PREPL: variants seen among roughly 807,000 people sequenced by gnomAD.
PREPL encodes the protein prolyl endopeptidase-like.
PREPL carries 77 observed loss-of-function variants against 70.6 expected under a neutral mutation model. The observed-to-expected ratio is 1.09, with a 90% CI of 0.91 to 1.32. PREPL has a LOEUF of 1.32. Among genes scored for constraint, PREPL ranks in the 40% most tolerant of loss-of-function variants. The probability of loss-of-function intolerance (pLI) is 0.00; values close to 1 mark genes in which losing one functional copy is unlikely to be tolerated. For missense variants in PREPL, 1,002 were observed against 778.2 expected, an observed-to-expected ratio of 1.29 and a Z score of -3.42; for synonymous variants, 315 against 264.8, an observed-to-expected ratio of 1.19 and a Z score of -1.84.
At position 44,342,514 on chromosome 2, in the gene PREPL, A is replaced by G; in HGVS notation, c.388T>C (p.Tyr130His). ...KDEEDEDVLFYTFQRNLRCHD... is the reference protein window; with the variant it reads ...KDEEDEDVLFHTFQRNLRCHD... ...CAGCGAAGGTTCCTCTGGAAGGTGT[A>G]GAATAAAACATCTTCATCTTCCTCG... Residue 130 changes from tyrosine to histidine, a missense_variant, in exon 5 of 14, where the codon TAC (tyrosine) becomes CAC (histidine). Tyr to His is a moderately conservative substitution (Grantham distance 83). Coordinates refer to ENST00000409411, the MANE Select transcript of PREPL (RefSeq NM_001171613.2). 6.2e-7 allele frequency: 1 copy of G among 1,611,638 alleles called. No individual in the cohort carries two copies. The highest frequency in any genetic ancestry group is 8.5e-7 in the Non-Finnish European group (1 of 1,178,270).
At chr2:44,352,011 A>G (rs1244650890) in intron 1 of PREPL, among the ~76,000 whole-genome samples, 2 of 152,184 alleles carry the variant, frequency 1.3e-5, no homozygotes, top group African/African-American at 4.8e-5. Context: ...GTTAATCCAT[A>G]CTTGATGTTT....
chr2:44,330,400 G>A (rs376281411), intron 8 of PREPL, among the ~76,000 whole-genome samples: 3 of 152,022 alleles, frequency 2.0e-5, no homozygotes, highest in Non-Finnish European at 4.4e-5. Flanking sequence ...TTTCCATCTC[G>A]GGTCCAATAA....
chr2:44,360,956 C>CT (rs1677693662), intron 1 of PREPL, among the ~76,000 whole-genome samples: 1 of 152,198 alleles, frequency 6.6e-6, no homozygotes, highest in Admixed American at 6.5e-5. Context: ...CCCTTAATCC[C>CT]TTTCCATGTC....
In PREPL at chr2:44,319,065, G is replaced by C. The variant is rs2103623436; in HGVS notation, c.*2291C>G. 1 of 152,514 alleles carries C rather than the reference G, an allele frequency of 6.6e-6. No homozygotes were observed. Among genetic ancestry groups the C allele is most frequent in the Non-Finnish European group, 1.5e-5 (1 of 68,032 alleles). 9.4% of individuals were successfully genotyped at this position (152,514 alleles called of 1,614,324 possible). Reference sequence around the variant, plus strand: ...TGCTTTCATGCATTACCTAAGGCTAGAGAAAATGTTAATAACTTAGACAAG... The same window carrying C: ...TGCTTTCATGCATTACCTAAGGCTACAGAAAATGTTAATAACTTAGACAAG... On this transcript the variant is annotated 3_prime_UTR_variant, in exon 14 of 14. Transcript: ENST00000409411.
rs779172728 is a variant in PREPL at position 44,320,253 on chromosome 2, C to T, written c.*1103G>A. 6.2e-7 allele frequency: 1 copy of T among 1,614,096 alleles called. No individual in the cohort carries two copies. Among genetic ancestry groups the T allele is most frequent in the East Asian group, 2.2e-5 (1 of 44,882 alleles). On this transcript the variant is annotated 3_prime_UTR_variant, in exon 14 of 14. Transcript: ENST00000409411. ...GAAGTTATATCAAGATTTAAGTCTA[C>T]TTCATGCCAATGAGCTACTCCTCAA...
intron 1 of PREPL, among the ~76,000 whole-genome samples, chr2:44,349,746 C>T (rs191977246): frequency 3.3e-5 from 5 of 151,670 alleles, no homozygotes; most frequent in Admixed American, 2.0e-4. Flanking sequence ...GGGTGGATCA[C>T]GAGGTCAAGA....
rs779104116 is a variant in PREPL at position 44,320,625 on chromosome 2, T to C, written c.*731A>G. ...CTATTCCAGTGTACTGAACATACTG[T>C]ATACCTCGTGTTAGGCACCTTTATG... On this transcript the variant is annotated 3_prime_UTR_variant, in exon 14 of 14. Coordinates refer to ENST00000409411, the MANE Select transcript of PREPL (RefSeq NM_001171613.2). 2 of 1,613,784 alleles carry C rather than the reference T, an allele frequency of 1.2e-6. No individual in the cohort carries two copies. The highest frequency in any genetic ancestry group is 2.2e-5 in the South Asian group (2 of 91,062).
At chr2:44,327,808 A>G (rs1673668743) in intron 9 of PREPL, among the ~76,000 whole-genome samples, 1 of 152,034 alleles carries the variant, frequency 6.6e-6, no homozygotes, top group South Asian at 2.1e-4. Context: ...GGTTGCAGTG[A>G]GCGGAGATTG....
At chr2:44,341,218 A>G (rs2103953127) in intron 5 of PREPL, among the ~76,000 whole-genome samples, 1 of 152,290 alleles carries the variant, frequency 6.6e-6, no homozygotes, top group Admixed American at 6.5e-5. Context: ...GCTGACATAT[A>G]CAATGATGAA....
intron 12 of PREPL, among the ~76,000 whole-genome samples, 158 bp downstream of exon 12, chr2:44,322,573 A>G (rs1673082050): frequency 6.6e-6 from 1 of 152,232 alleles, no homozygotes; most frequent in East Asian, 1.9e-4. Flanking sequence ...ACATGTAGTT[A>G]CGTACACTTT....
At chr2:44,345,508 T>A (rs910787804) in intron 2 of PREPL, among the ~76,000 whole-genome samples, 3 of 151,794 alleles carry the variant, frequency 2.0e-5, no homozygotes, top group African/African-American at 7.3e-5. Flanking sequence ...CCTGCCACCA[T>A]GCCTAATTTT....
intron 1 of PREPL, among the ~76,000 whole-genome samples, chr2:44,348,059 C>T (rs544014190): frequency 1.3e-5 from 2 of 152,048 alleles, no homozygotes; most frequent in South Asian, 4.1e-4. Context: ...ATATAATTTT[C>T]TGAATTTTTT....
chr2:44,333,195 T>C (rs935911787), intron 7 of PREPL, among the ~76,000 whole-genome samples: 6 of 152,220 alleles, frequency 3.9e-5, no homozygotes, highest in Non-Finnish European at 7.3e-5. Flanking sequence ...AACTTTTAGC[T>C]CCTAGGCTAA....
chr2:44,357,184 G>A (rs573665779), intron 1 of PREPL, among the ~76,000 whole-genome samples: 10 of 152,324 alleles, frequency 6.6e-5, no homozygotes, highest in Non-Finnish European at 7.3e-5. Context: ...TGGATCTTTT[G>A]CCTTCTAACA....
At chr2:44,355,637 T>C (rs999895689) in intron 1 of PREPL, among the ~76,000 whole-genome samples, 1 of 152,146 alleles carries the variant, frequency 6.6e-6, no homozygotes, top group Non-Finnish European at 1.5e-5. Context: ...TTCTCTATTC[T>C]GTCAGAGTGA....
intron 5 of PREPL, among the ~76,000 whole-genome samples, chr2:44,341,993 T>C (rs995940961): frequency 6.6e-6 from 1 of 152,250 alleles, no homozygotes; most frequent in South Asian, 2.1e-4. Context: ...GGGTTTTAGT[T>C]TGAAAGAGAG....
At chr2:44,357,386 G>A (rs1475929685) in intron 1 of PREPL, among the ~76,000 whole-genome samples, 2 of 152,206 alleles carry the variant, frequency 1.3e-5, no homozygotes, top group Non-Finnish European at 2.9e-5. Context: ...CTCTACAGGT[G>A]TTTTCACAGC....
chr2:44,334,932 T>C (rs916120761), intron 7 of PREPL, among the ~76,000 whole-genome samples: 1 of 152,200 alleles, frequency 6.6e-6, no homozygotes, highest in Non-Finnish European at 1.5e-5. Flanking sequence ...AAATATTTTA[T>C]AATGCACTCA....
Position 44,319,192 on chromosome 2 carries a change from C to T in PREPL, c.*2164G>A, listed in dbSNP as rs774470850. On this transcript the variant is annotated 3_prime_UTR_variant, in exon 14 of 14. Coordinates refer to ENST00000409411, the MANE Select transcript of PREPL (RefSeq NM_001171613.2). ...TAAAGACCACATATTGGGAACCTAC[C>T]CCTAAAGAACAATAACAACCACAAT... 6.6e-6 allele frequency: 1 copy of T among 152,502 alleles called. No homozygotes were observed. Among genetic ancestry groups the T allele is most frequent in the Non-Finnish European group, 1.5e-5 (1 of 68,008 alleles). 9.4% of individuals were successfully genotyped at this position (152,502 alleles called of 1,614,324 possible). A position where few individuals can be genotyped will look rare whatever the true frequency, so the allele number is the denominator to read the frequency against.
Sources: allele counts gnomAD v4.1 joint callset (sites outside exome capture counted in the v4.1 genomes callset), GRCh38; gene constraint gnomAD v4.1.1; transcripts MANE v1.5; gene names NCBI Gene and HGNC (gene_info 2026-07-23, HGNC 2026-07-21).